ANKRD17: variants seen among roughly 807,000 people sequenced by gnomAD.
ANKRD17 encodes the protein ankyrin repeat domain 17, also known as ankyrin repeat domain-containing protein 17.
ANKRD17 carries 19 observed loss-of-function variants against 229.7 expected under a neutral mutation model. That is an observed-to-expected ratio of 0.08 (90% CI 0.06 to 0.12). The LOEUF (loss-of-function observed/expected upper bound fraction) is 0.12. Ranked by LOEUF, ANKRD17 falls within the 10% of genes least tolerant of loss-of-function variation. ANKRD17 has a pLI of 1.00. For synonymous variants in ANKRD17, 1,112 were observed against 1,146.1 expected (o/e 0.97, Z 0.60); for missense variants, 2,176 against 3,176.8 (o/e 0.68, Z 7.57).
intron 2 of ANKRD17, among the ~76,000 whole-genome samples, chr4:73,171,187 GA>G (rs1733968325): frequency 7.1e-6 from 1 of 141,118 alleles, no homozygotes; most frequent in African/African-American, 2.6e-5. Flanking sequence ...GGGAGAGAGA[GA>G]GAGAGAGAGA....
rs1553947174 is a variant in ANKRD17 at position 73,250,611 on chromosome 4, A to AAAAAC, written c.393+7660_393+7664dup. On this transcript the variant is annotated intron_variant, in intron 1 of 33. Transcript: ENST00000358602. ...TCTCAAAAAAAAAAAAAAAAAAAAA[A>AAAAAC]AAAACAGAAAAAAAGAGTTGTTTTT... Among the ~76,000 whole-genome samples the AAAAAC allele has an allele frequency of 4.7e-5, 7 of 149,056 alleles. 1 individual carries two copies. Among genetic ancestry groups the AAAAAC allele is most frequent in the African/African-American group, 1.8e-4 (7 of 39,830 alleles).
At chr4:73,206,360 T>C (rs1338247514) in intron 1 of ANKRD17, among the ~76,000 whole-genome samples, 1 of 138,026 alleles carries the variant, frequency 7.2e-6, no homozygotes, top group African/African-American at 2.8e-5. Flanking sequence ...AATGGATGAA[T>C]GGATAAGAAA....
In ANKRD17 at chr4:73,157,103, C is replaced by G. The variant is rs1017112119; in HGVS notation, c.705-937G>C. Among the ~76,000 whole-genome samples, 5 of 152,078 alleles carry G rather than the reference C, an allele frequency of 3.3e-5. No homozygotes were observed. The East Asian group carries it at 7.7e-4, about 24-fold the overall frequency. ...CATAAAAGTTTATAGAAATCACATACAAATAACAGGTCATAATTATACTTC... is the reference window on the plus strand; with the variant it reads ...CATAAAAGTTTATAGAAATCACATAGAAATAACAGGTCATAATTATACTTC... On this transcript the variant is annotated intron_variant, in intron 3 of 33. Coordinates refer to ENST00000358602, the MANE Select transcript of ANKRD17 (RefSeq NM_032217.5).
chr4:73,122,696 TG>T (rs1303531139), intron 18 of ANKRD17, among the ~76,000 whole-genome samples: 2 of 152,144 alleles, frequency 1.3e-5, no homozygotes, highest in African/African-American at 4.8e-5. Flanking sequence ...TAATGAATAG[TG>T]GTTTATCTTG....
chr4:73,138,799 AAAACTAG>A (rs1729235852), intron 15 of ANKRD17, among the ~76,000 whole-genome samples: 1 of 152,166 alleles, frequency 6.6e-6, no homozygotes, highest in South Asian at 2.1e-4. Flanking sequence ...ATAAGTACCA[AAAACTAG>A]AAGCATAAAA....
At chr4:73,185,677 C>A (rs1442875144) in intron 1 of ANKRD17, among the ~76,000 whole-genome samples, 3 of 151,914 alleles carry the variant, frequency 2.0e-5, no homozygotes, top group Non-Finnish European at 4.4e-5. Context: ...ATAACTAACA[C>A]CACTTTGGCT....
chr4:73,248,659 C>T (rs556137244), intron 1 of ANKRD17, among the ~76,000 whole-genome samples: 8 of 151,890 alleles, frequency 5.3e-5, no homozygotes, highest in South Asian at 2.1e-4. Flanking sequence ...AAACTGAATT[C>T]TATCATTGTG....
At chr4:73,199,340 A>C (rs1353744939) in intron 1 of ANKRD17, among the ~76,000 whole-genome samples, 3 of 152,102 alleles carry the variant, frequency 2.0e-5, no homozygotes, top group Non-Finnish European at 4.4e-5. Context: ...ACAAAGAGAA[A>C]GGCGAGATGC....
At chr4:73,248,478 T>C (rs1023616583) in intron 1 of ANKRD17, among the ~76,000 whole-genome samples, 2 of 152,056 alleles carry the variant, frequency 1.3e-5, no homozygotes, top group African/African-American at 4.8e-5. Flanking sequence ...TTTATGAATC[T>C]AGAAATAATG....
intron 9 of ANKRD17, 81 bp downstream of exon 9, chr4:73,147,160 C>A: frequency 7.8e-7 from 1 of 1,289,714 alleles, no homozygotes; most frequent in Non-Finnish European, 1.1e-6. Flanking sequence ...TGTATCATAG[C>A]ATCATAAAAA....
At chr4:73,196,819 A>T (rs1480241417) in intron 1 of ANKRD17, among the ~76,000 whole-genome samples, 1 of 152,214 alleles carries the variant, frequency 6.6e-6, no homozygotes, top group Non-Finnish European at 1.5e-5. Context: ...GATTTAAGTG[A>T]AATGGGAGCC....
At chr4:73,237,678 C>T (rs945648983) in intron 1 of ANKRD17, among the ~76,000 whole-genome samples, 1 of 152,036 alleles carries the variant, frequency 6.6e-6, no homozygotes, top group African/African-American at 2.4e-5. Flanking sequence ...TATCTAGAAC[C>T]CTAGTATTAT....
At chr4:73,122,774 G>A (rs1424711750) in intron 18 of ANKRD17, among the ~76,000 whole-genome samples, 1 of 151,932 alleles carries the variant, frequency 6.6e-6, no homozygotes, top group Non-Finnish European at 1.5e-5. Flanking sequence ...CTTTCAGAGC[G>A]AGTGACAAGG....
At chr4:73,112,760 A>G in intron 24 of ANKRD17, 1 of 773,158 alleles carries the variant, frequency 1.3e-6, no homozygotes. Flanking sequence ...TAGATGTTAA[A>G]TTTTATAGCA....
In ANKRD17 at chr4:73,161,509, C is replaced by G. The variant is rs554830101; in HGVS notation, c.548-161G>C. ...CAGCATCTTTTGAGAAATCACTCTT[C>G]TCCAGTTTTCTAATAATCTTATTCA... On this transcript the variant is annotated intron_variant, in intron 2 of 33. Coordinates refer to ENST00000358602, the MANE Select transcript of ANKRD17 (RefSeq NM_032217.5). 2.0e-5 allele frequency among the ~76,000 whole-genome samples: 3 copies of G among 152,352 alleles called. 1 individual carries two copies. In the South Asian group the frequency reaches 6.2e-4, roughly 32 times the overall value.
rs1472995709 is a variant in ANKRD17, at chr4:73,073,464, T to C, written c.*2767A>G. 6.6e-6 allele frequency: 1 copy of C among 152,090 alleles called. No individual in the cohort carries two copies. The highest frequency in any genetic ancestry group is 1.9e-4 in the East Asian group (1 of 5,202). The allele number at this position is 152,090 out of a possible 1,614,324, so 9.4% of individuals were successfully genotyped here. A position where few individuals can be genotyped will look rare whatever the true frequency, so the allele number is the denominator to read the frequency against. The stretch of plus-strand genomic sequence containing the variant: ...CTGTTTAGTCTAACACTGTACTGTT[T>C]TAAAAATAAGTAATATAGGGTACAA... On this transcript the variant is annotated 3_prime_UTR_variant, in exon 34 of 34. Coordinates refer to ENST00000358602, the MANE Select transcript of ANKRD17 (RefSeq NM_032217.5).
At chr4:73,110,387 C>T (rs1047876455) in intron 24 of ANKRD17, among the ~76,000 whole-genome samples, 1 of 152,230 alleles carries the variant, frequency 6.6e-6, no homozygotes, top group African/African-American at 2.4e-5. Context: ...GGTCTCACTA[C>T]ATTGGCCAGG....
chr4:73,151,307 A>G, intron 7 of ANKRD17, 123 bp downstream of exon 7: 1 of 808,078 alleles, frequency 1.2e-6, no homozygotes, highest in Non-Finnish European at 1.9e-6. Context: ...ATGTTGTACA[A>G]CTGATTCAAT....
intron 1 of ANKRD17, among the ~76,000 whole-genome samples, chr4:73,251,153 T>A (rs1744989986): frequency 1.3e-5 from 2 of 152,164 alleles, no homozygotes; most frequent in Admixed American, 1.3e-4. Flanking sequence ...GTAATGTTTA[T>A]GAGTTTCACA....
Sources: gnomAD v4.1 joint callset for allele counts (sites outside exome capture counted in the v4.1 genomes callset) on GRCh38, gnomAD v4.1.1 for gene constraint, MANE v1.5 for transcripts, NCBI Gene and HGNC (gene_info 2026-07-23, HGNC 2026-07-21) for gene names.